The following SOX6 variants were observed in gnomAD, a reference collection of about 807,000 sequenced individuals.
SOX6 encodes the protein SRY-box transcription factor 6, also known as transcription factor SOX-6.
In SOX6, 11 loss-of-function variants were observed where a neutral mutation model predicts 97.8. That is an observed-to-expected ratio of 0.11 (90% CI 0.07 to 0.19). SOX6 has a LOEUF of 0.19. Ranked by LOEUF, SOX6 falls within the 10% of genes least tolerant of loss-of-function variation. The pLI, the probability that SOX6 is intolerant of heterozygous loss-of-function variation, is 1.00. For missense variants in SOX6, 810 were observed against 1,039.5 expected, an observed-to-expected ratio of 0.78 and a Z score of 3.04; for synonymous variants, 360 against 371.4, an observed-to-expected ratio of 0.97 and a Z score of 0.35.
At chr11:16,464,216 A>T (rs1859986344) in intron 1 of SOX6, among the ~76,000 whole-genome samples, 1 of 152,168 alleles carries the variant, frequency 6.6e-6, no homozygotes, top group South Asian at 2.1e-4. Context: ...ATTTCTTTCT[A>T]ATTATCCTAT....
At chr11:16,106,136 C>T (rs575578080) in intron 7 of SOX6, among the ~76,000 whole-genome samples, 2 of 152,070 alleles carry the variant, frequency 1.3e-5, no homozygotes, top group South Asian at 2.1e-4. Context: ...CCCAAAGCAA[C>T]CTGCAGAGTC....
intron 3 of SOX6, among the ~76,000 whole-genome samples, chr11:16,251,917 T>TA (rs991473556): frequency 1.9e-4 from 29 of 151,872 alleles, no homozygotes; most frequent in Admixed American, 7.2e-4. Flanking sequence ...ATAATAAACA[T>TA]AAAAAATCAC....
At chr11:16,050,726 A>C (rs1014414046) in intron 10 of SOX6, among the ~76,000 whole-genome samples, 10 of 152,186 alleles carry the variant, frequency 6.6e-5, no homozygotes, top group African/African-American at 2.2e-4. Flanking sequence ...TAGTTCATCC[A>C]GGATCTTGAA....
At chr11:16,330,257 C>T (rs1856245201) in intron 2 of SOX6, among the ~76,000 whole-genome samples, 1 of 152,124 alleles carries the variant, frequency 6.6e-6, no homozygotes, top group African/African-American at 2.4e-5. Flanking sequence ...AACATTCTAT[C>T]AAGATTCAAC....
chr11:16,616,191 C>CTACAAATTTATACAAAT (rs1848469298), intron 3 of SOX6, among the ~76,000 whole-genome samples: 1 of 152,000 alleles, frequency 6.6e-6, no homozygotes, highest in Non-Finnish European at 1.5e-5. Context: ...TTTAGCCCGC[C>CTACAAATTTATACAAAT]TAGAAAAATT....
chr11:16,010,135 C>G (rs1172608404), intron 13 of SOX6, among the ~76,000 whole-genome samples: 6 of 78,284 alleles, frequency 7.7e-5, no homozygotes, highest in Non-Finnish European at 2.5e-4. Context: ...TACACACACA[C>G]ACACACACAC....
upstream of SOX6, among the ~76,000 whole-genome samples, chr11:16,359,324 G>A (rs1016989903): frequency 6.6e-6 from 1 of 152,062 alleles, no homozygotes; most frequent in Non-Finnish European, 1.5e-5. Flanking sequence ...GTGGGAAGTA[G>A]CAGGAAAAAT....
At chr11:15,989,306 T>C (rs1189858150) in intron 13 of SOX6, 76 bp from the exon 14 acceptor site, 5 of 1,243,598 alleles carry the variant, frequency 4.0e-6, no homozygotes, top group Admixed American at 2.6e-5. Flanking sequence ...GCTTGCCGCC[T>C]GGGTCAGCTG....
chr11:16,377,353 T>C (rs918485160), intron 1 of SOX6, among the ~76,000 whole-genome samples: 3 of 152,106 alleles, frequency 2.0e-5, no homozygotes, highest in African/African-American at 7.2e-5. Context: ...GGACAAAAAT[T>C]AATAAATATG....
At chr11:16,441,842 C>T (rs1490216808) in intron 1 of SOX6, among the ~76,000 whole-genome samples, 1 of 152,082 alleles carries the variant, frequency 6.6e-6, no homozygotes, top group Non-Finnish European at 1.5e-5. Context: ...AGAAACACGC[C>T]GGTATTTTAT....
At chr11:16,487,416 A>G (rs1860454664) in intron 4 of SOX6, among the ~76,000 whole-genome samples, 1 of 152,178 alleles carries the variant, frequency 6.6e-6, no homozygotes, top group African/African-American at 2.4e-5. Context: ...ACCTCCAGGA[A>G]TGACCATTTG....
At chr11:16,252,683 A>AT (rs1189942389) in intron 3 of SOX6, 1 of 152,064 alleles carries the variant, frequency 6.6e-6, no homozygotes, top group Non-Finnish European at 1.5e-5. Flanking sequence ...AGGAAAAACG[A>AT]TTTTTCCAGA....
chr11:16,187,981 CAGA>C (rs1229531656), intron 4 of SOX6, among the ~76,000 whole-genome samples: 1 of 152,104 alleles, frequency 6.6e-6, no homozygotes, highest in Non-Finnish European at 1.5e-5. Context: ...TTTGTGTGTG[CAGA>C]AGGAGAGACT....
At chr11:15,991,335 G>C (rs1854047455) in intron 13 of SOX6, among the ~76,000 whole-genome samples, 1 of 152,194 alleles carries the variant, frequency 6.6e-6, no homozygotes, top group South Asian at 2.1e-4. Context: ...GTAGCTTCCA[G>C]CTGACAATAT....
At chr11:16,210,782 G>A (rs918183158) in intron 4 of SOX6, among the ~76,000 whole-genome samples, 2 of 152,158 alleles carry the variant, frequency 1.3e-5, no homozygotes, top group African/African-American at 4.8e-5. Flanking sequence ...GCAGTGAACC[G>A]ACACATACTG....
intron 1 of SOX6, among the ~76,000 whole-genome samples, chr11:16,367,801 G>A (rs1428018227): frequency 6.6e-6 from 1 of 152,068 alleles, no homozygotes; most frequent in Non-Finnish European, 1.5e-5. Flanking sequence ...CTGTTATCTG[G>A]CACCTTGAGG....
intron 3 of SOX6, among the ~76,000 whole-genome samples, chr11:16,617,439 A>G (rs1301959599): frequency 6.6e-6 from 1 of 151,924 alleles, no homozygotes. Flanking sequence ...AAGTTGATGA[A>G]GTTTAGTACT....
chr11:16,099,669 T>C (rs1848892482), intron 7 of SOX6, among the ~76,000 whole-genome samples: 1 of 151,612 alleles, frequency 6.6e-6, no homozygotes. Flanking sequence ...GGGGCACTCC[T>C]TTTTTCATAG....
intron 1 of SOX6, among the ~76,000 whole-genome samples, chr11:16,403,109 G>A (rs1503441): frequency 1.3e-5 from 2 of 151,338 alleles, no homozygotes; most frequent in South Asian, 2.1e-4. Flanking sequence ...TAGTCTAACT[G>A]GCTGCCCTAA....
Sources: gnomAD v4.1 joint callset for allele counts (sites outside exome capture counted in the v4.1 genomes callset) on GRCh38, gnomAD v4.1.1 for gene constraint, MANE v1.5 for transcripts, NCBI Gene and HGNC (gene_info 2026-07-23, HGNC 2026-07-21) for gene names.